The following PLAUR variants were observed in gnomAD, a reference collection of about 807,000 sequenced individuals.
PLAUR encodes urokinase plasminogen activator surface receptor.
A neutral mutation model predicts 33.4 loss-of-function variants in PLAUR; 22 were observed. The observed-to-expected ratio is 0.66, with a 90% confidence interval of 0.47 to 0.94. PLAUR has a LOEUF of 0.94. PLAUR is among the 40% of genes least tolerant of loss of function. The pLI, the probability that PLAUR is intolerant of heterozygous loss-of-function variation, is 0.00. For synonymous variants in PLAUR, 148 were observed against 167.3 expected, an observed-to-expected ratio of 0.88 and a Z score of 0.89; for missense variants, 408 against 434.7, an observed-to-expected ratio of 0.94 and a Z score of 0.55.
Position 43,648,724 on chromosome 19 carries a change from T to G in PLAUR, c.*166A>C, listed in dbSNP as rs529499349. ...CCTTCCTCCAGCTTTTCTCTTCTGC[T>G]TCACACAACTTTGTGAGATAGCTGT... On this transcript the variant is annotated 3_prime_UTR_variant, in exon 7 of 7. Transcript: ENST00000340093. 48 of 889,640 alleles carry G rather than the reference T, an allele frequency of 5.4e-5. No homozygotes were observed. The African/African-American group carries it at 7.4e-4, about 14-fold the overall frequency. 55.1% of individuals were successfully genotyped at this position (889,640 alleles called of 1,614,324 possible).
intron 5 of PLAUR, among the ~76,000 whole-genome samples, chr19:43,652,787 A>T (rs1974051725): frequency 2.6e-5 from 4 of 152,074 alleles, no homozygotes; most frequent in Admixed American, 2.6e-4. Context: ...AGTAGCTGGG[A>T]CTACAGGCGT....
chr19:43,663,674 G>C (rs1033057642), intron 3 of PLAUR, among the ~76,000 whole-genome samples: 5 of 152,096 alleles, frequency 3.3e-5, no homozygotes, highest in Non-Finnish European at 5.9e-5. Flanking sequence ...CCAGCTACTT[G>C]GGAGGCTGAG....
chr19:43,668,188 C>A, intron 1 of PLAUR: 1 of 987,562 alleles, frequency 1.0e-6, no homozygotes, highest in Non-Finnish European at 1.2e-6. Flanking sequence ...TGGTTCTACC[C>A]GGCTCCAGAG....
In PLAUR at chr19:43,656,482, C is replaced by T. The variant is rs1974214623; in HGVS notation, c.469G>A (p.Glu157Lys). The T allele has an allele frequency of 6.3e-7, 1 of 1,586,344 alleles. No individual in the cohort carries two copies. The highest frequency in any genetic ancestry group is 1.1e-5 in the South Asian group (1 of 88,212). ...VVTHWIQEGE[E>K]GRPKDDRHLR... Reference sequence around the variant, plus strand: ...TTGCCAGCAGGTTGGGGCTCACCTTCTTCACCTTCCTGGATCCAGTGGGTC... The same window carrying T: ...TTGCCAGCAGGTTGGGGCTCACCTTTTTCACCTTCCTGGATCCAGTGGGTC... Residue 157 changes from glutamate to lysine, a missense_variant, in exon 4 of 7, where the codon GAA becomes AAA. By Grantham distance (56) the Glu-to-Lys change is moderately conservative. Coordinates refer to ENST00000340093, the MANE Select transcript of PLAUR (RefSeq NM_002659.4).
At chr19:43,657,621 C>G (rs957289378) in intron 3 of PLAUR, among the ~76,000 whole-genome samples, 2 of 152,182 alleles carry the variant, frequency 1.3e-5, no homozygotes, top group Non-Finnish European at 2.9e-5. Flanking sequence ...GGCTCCCACA[C>G]ACCCCTGTAC....
intron 1 of PLAUR, 162 bp from the exon 2 acceptor site, chr19:43,667,853 G>A (rs1324948204): frequency 1.4e-6 from 2 of 1,446,476 alleles, no homozygotes; most frequent in Admixed American, 4.9e-5. Flanking sequence ...CTTCCAGTCT[G>A]TCCGTTGTCC....
At chr19:43,668,369 C>G in intron 1 of PLAUR, 1 of 930,162 alleles carries the variant, frequency 1.1e-6, no homozygotes, top group Non-Finnish European at 1.3e-6. Flanking sequence ...CTAGCCCCGC[C>G]CTTTAGCTCT....
chr19:43,669,146 A>C (rs1004567334), intron 1 of PLAUR, among the ~76,000 whole-genome samples: 3 of 152,146 alleles, frequency 2.0e-5, no homozygotes, highest in African/African-American at 7.2e-5. Context: ...TTCCTTCTCG[A>C]ATTCCTCGAC....
Position 43,656,628 on chromosome 19 carries a change from G to A in PLAUR, c.323C>T (p.Thr108Ile). 2 of 1,602,890 alleles carry A rather than the reference G, an allele frequency of 1.2e-6. No individual in the cohort carries two copies. The highest frequency in any genetic ancestry group is 1.7e-6 in the Non-Finnish European group (2 of 1,173,422). Reference sequence around the variant, plus strand: ...TTCGAGGTAACGGCTTCGGGAATAGGTGACAGCCCGGCCTGTTTGGAAGAG... The same window carrying A: ...TTCGAGGTAACGGCTTCGGGAATAGATGACAGCCCGGCCTGTTTGGAAGAG... ...CNQGNSGRAVTYSRSRYLECI... is the reference protein window; with the variant it reads ...CNQGNSGRAVIYSRSRYLECI... Residue 108 changes from threonine to isoleucine, a missense_variant, in exon 4 of 7, where the codon ACC (threonine) becomes ATC (isoleucine). Thr to Ile is a moderately conservative substitution (Grantham distance 89). Coordinates refer to ENST00000340093, the MANE Select transcript of PLAUR (RefSeq NM_002659.4).
intron 3 of PLAUR, among the ~76,000 whole-genome samples, chr19:43,664,129 C>T (rs2239374): frequency 0.3 from 45,074 of 151,972 alleles, 8,027 homozygotes; most frequent in East Asian, 0.57. Flanking sequence ...CACATCTCAC[C>T]GAGACGGGAA....
chr19:43,670,029 C>G (rs369947389), intron 1 of PLAUR, 37 bp downstream of exon 1: 2 of 1,608,386 alleles, frequency 1.2e-6, no homozygotes, highest in Admixed American at 1.7e-5. Context: ...CAATTAGACC[C>G]TGTTCCAGGC....
At chr19:43,646,494 G>A (rs1197293226), downstream of PLAUR, 2 of 718,126 alleles carry the variant, frequency 2.8e-6, no homozygotes, top group South Asian at 3.0e-5. Flanking sequence ...ACAGCATGGT[G>A]GTCTCAGGGC....
At chr19:43,656,956 T>A (rs1974240271) in intron 3 of PLAUR, among the ~76,000 whole-genome samples, 1 of 150,522 alleles carries the variant, frequency 6.6e-6, no homozygotes, top group Admixed American at 6.6e-5. Context: ...TTTTTTTTTT[T>A]TTCCCGAGAC....
At position 43,667,574 on chromosome 19, in the gene PLAUR, A is replaced by T. The variant is rs767693122; in HGVS notation, c.166+7T>A. On this transcript the variant is annotated splice_region_variant and intron_variant, in intron 2 of 6. Transcript: ENST00000340093. Reference sequence around the variant, plus strand: ...TGGAGGGGTGTGTGGGTTGGGGGGAAGCTCACCTTCCCACAAGCGCACGAT... The same window carrying T: ...TGGAGGGGTGTGTGGGTTGGGGGGATGCTCACCTTCCCACAAGCGCACGAT... 29 of 1,598,208 alleles carry T rather than the reference A, an allele frequency of 1.8e-5. No individual in the cohort carries two copies. Among genetic ancestry groups the T allele is most frequent in the Non-Finnish European group, 2.4e-5 (28 of 1,165,770 alleles).
At chr19:43,662,915 G>C (rs1016403918) in intron 3 of PLAUR, among the ~76,000 whole-genome samples, 1 of 152,006 alleles carries the variant, frequency 6.6e-6, no homozygotes, top group Admixed American at 6.6e-5. Flanking sequence ...ATGTTGCCTA[G>C]GCTGGTCTGA....
chr19:43,663,613 C>T (rs1967100382), intron 3 of PLAUR, among the ~76,000 whole-genome samples: 1 of 151,862 alleles, frequency 6.6e-6, no homozygotes, highest in African/African-American at 2.4e-5. Context: ...GAAACCTCAT[C>T]TCTACTAAAA....
chr19:43,662,271 G>C (rs923484117), intron 3 of PLAUR, among the ~76,000 whole-genome samples: 10 of 152,098 alleles, frequency 6.6e-5, no homozygotes, highest in Non-Finnish European at 1.3e-4. Flanking sequence ...GCCGAGGTGG[G>C]TGGATCACGA....
intron 6 of PLAUR, among the ~76,000 whole-genome samples, chr19:43,649,776 C>T (rs529083036): frequency 1.3e-5 from 2 of 152,058 alleles, no homozygotes; most frequent in African/African-American, 2.4e-5. Flanking sequence ...AAGCGAGCAG[C>T]GGTTCTTAAA....
rs1974223148 is a variant in PLAUR at position 43,656,599 on chromosome 19, T to C, written c.352A>G (p.Ile118Val). The change falls in exon 4 of 7, where the codon ATT becomes GTT. Residue 118 changes from isoleucine (I) to valine (V), a missense_variant. By Grantham distance (29) the Ile-to-Val change is conservative (BLOSUM62 3). Coordinates refer to ENST00000340093, the MANE Select transcript of PLAUR (RefSeq NM_002659.4). ...CTCATGTCTGATGAGCCACAGGAAA[T>C]GCATTCGAGGTAACGGCTTCGGGAA... ...TYSRSRYLECISCGSSDMSCE... is the reference protein window; with the variant it reads ...TYSRSRYLECVSCGSSDMSCE... 6.2e-7 allele frequency: 1 copy of C among 1,611,708 alleles called. No homozygotes were observed. Among genetic ancestry groups the C allele is most frequent in the African/African-American group, 1.3e-5 (1 of 74,874 alleles).
Sources: allele counts gnomAD v4.1 joint callset (sites outside exome capture counted in the v4.1 genomes callset), GRCh38; gene constraint gnomAD v4.1.1; transcripts MANE v1.5; gene names NCBI Gene and HGNC (gene_info 2026-07-23, HGNC 2026-07-21).